Variants in PDHX observed in about 807,000 individuals in gnomAD.
PDHX encodes pyruvate dehydrogenase complex component X.
A neutral mutation model predicts 55.3 loss-of-function variants in PDHX; 33 were observed. That is an observed-to-expected ratio of 0.60 (90% CI 0.45 to 0.80). The LOEUF (loss-of-function observed/expected upper bound fraction) is 0.80, where lower values mean the gene tolerates loss of function less well. Among genes scored for constraint, PDHX ranks in the 30% least tolerant of loss-of-function variants. The pLI is 0.00. For missense variants in PDHX, 622 were observed against 619.9 expected, an observed-to-expected ratio of 1.00 and a Z score of -0.04; for synonymous variants, 226 against 219.4, an observed-to-expected ratio of 1.03 and a Z score of -0.27.
intron 1 of PDHX, among the ~76,000 whole-genome samples, chr11:34,927,183 GCTAGCTTTATAAGAAGGAGCA>G (rs1207645373): frequency 6.6e-6 from 1 of 151,966 alleles, no homozygotes; most frequent in African/African-American, 2.4e-5. Flanking sequence ...GATATAATTT[GCTAGCTTTATAAGAAGGAGCA>G]GAACACTGAA....
intron 8 of PDHX, among the ~76,000 whole-genome samples, chr11:34,982,542 G>A (rs918224750): frequency 7.9e-5 from 12 of 151,828 alleles, no homozygotes; most frequent in African/African-American, 2.9e-4. Context: ...TAATAAAGAA[G>A]AAAAGAGAGA....
chr11:34,942,825 T>C (rs1209720935), intron 2 of PDHX, among the ~76,000 whole-genome samples: 3 of 152,200 alleles, frequency 2.0e-5, no homozygotes, highest in African/African-American at 7.2e-5. Context: ...CCTCTCCTTT[T>C]TTCCTTCTCT....
chr11:34,954,479 G>A (rs1854859420), intron 3 of PDHX, among the ~76,000 whole-genome samples: 1 of 152,176 alleles, frequency 6.6e-6, no homozygotes, highest in African/African-American at 2.4e-5. Flanking sequence ...CTGGGCTTGA[G>A]GGATAGAATT....
intron 3 of PDHX, 52 bp downstream of exon 3, chr11:34,947,658 A>T (rs777936865): frequency 2.6e-5 from 31 of 1,184,550 alleles, no homozygotes; most frequent in Non-Finnish European, 3.8e-5. Flanking sequence ...CTTGAGTGGA[A>T]AGTTCATTGT....
At chr11:34,975,438 CT>C (rs1478295784) in intron 7 of PDHX, among the ~76,000 whole-genome samples, 1 of 151,936 alleles carries the variant, frequency 6.6e-6, no homozygotes, top group Non-Finnish European at 1.5e-5. Context: ...TCTTTTTTCT[CT>C]TTATGTTTCA....
At chr11:34,956,029 C>T (rs1019618097) in intron 3 of PDHX, among the ~76,000 whole-genome samples, 2 of 151,932 alleles carry the variant, frequency 1.3e-5, no homozygotes, top group African/African-American at 2.4e-5. Context: ...AAATATTGGT[C>T]TAATAATAAT....
At chr11:34,919,114 G>A (rs1853812763) in intron 1 of PDHX, among the ~76,000 whole-genome samples, 1 of 152,206 alleles carries the variant, frequency 6.6e-6, no homozygotes, top group African/African-American at 2.4e-5. Flanking sequence ...CATTCTGCAT[G>A]TGAAGCTGTG....
rs753293271 is a variant in PDHX at position 34,984,744 on chromosome 11, G to C, written c.1182+16G>C. ...CTCTGTAAAGGTATGTCTTAAGAAA[G>C]AGTGTGCTTTCAAAATGTTAGCATA... On this transcript the variant is annotated intron_variant, in intron 9 of 10. Coordinates refer to ENST00000227868, the MANE Select transcript of PDHX (RefSeq NM_003477.3). 47 of 1,611,882 alleles carry C rather than the reference G, an allele frequency of 2.9e-5. No individual in the cohort carries two copies. Among genetic ancestry groups the C allele is most frequent in the Non-Finnish European group, 4.0e-5 (47 of 1,178,154 alleles).
At chr11:34,989,018 CAT>C (rs1855706569) in intron 9 of PDHX, among the ~76,000 whole-genome samples, 1 of 152,150 alleles carries the variant, frequency 6.6e-6, no homozygotes, top group East Asian at 1.9e-4. Context: ...CTGAGAAATG[CAT>C]GGTTAGGCGA....
At chr11:34,966,116 C>T (rs1662173340) in intron 5 of PDHX, among the ~76,000 whole-genome samples, 1 of 151,994 alleles carries the variant, frequency 6.6e-6, no homozygotes, top group Non-Finnish European at 1.5e-5. Context: ...GTACTGATGG[C>T]ATATTAGCAA....
Position 34,996,076 on chromosome 11 carries a change from G to T in PDHX, c.*904G>T, listed in dbSNP as rs182283782. On this transcript the variant is annotated 3_prime_UTR_variant, in exon 11 of 11. Coordinates refer to ENST00000227868, the MANE Select transcript of PDHX (RefSeq NM_003477.3). ...GTGAGAAAATATAAACATTTCTATT[G>T]TATTTTAAATGTTAAAACACAAAAG... The T allele has an allele frequency of 1.3e-3, 199 of 152,192 alleles. No homozygotes were observed. The Middle Eastern group carries it at 0.014, about 10-fold the overall frequency. 9.4% of individuals were successfully genotyped at this position (152,192 alleles called of 1,614,324 possible).
chr11:34,955,233 G>GT (rs1050220204), intron 3 of PDHX, among the ~76,000 whole-genome samples: 2 of 152,098 alleles, frequency 1.3e-5, no homozygotes, highest in African/African-American at 4.8e-5. Flanking sequence ...AAAGGGAACA[G>GT]TAACAGAGGC....
chr11:34,926,754 A>G (rs1484324129), intron 1 of PDHX, among the ~76,000 whole-genome samples: 2 of 152,088 alleles, frequency 1.3e-5, no homozygotes, highest in African/African-American at 2.4e-5. Flanking sequence ...TTGCTGAAGT[A>G]TGAGCATTTT....
chr11:34,925,836 T>C (rs1385535801), intron 1 of PDHX, among the ~76,000 whole-genome samples: 1 of 152,242 alleles, frequency 6.6e-6, no homozygotes, highest in Non-Finnish European at 1.5e-5. Context: ...ATGTTCATTG[T>C]AGCATTTGGG....
intron 7 of PDHX, among the ~76,000 whole-genome samples, chr11:34,972,864 A>G (rs919815332): frequency 6.6e-6 from 1 of 152,154 alleles, no homozygotes; most frequent in African/African-American, 2.4e-5. Context: ...TAGAGAACAC[A>G]CTTTATATGA....
intron 7 of PDHX, 193 bp from the exon 8 acceptor site, chr11:34,977,931 A>G: frequency 6.5e-6 from 4 of 612,858 alleles, no homozygotes; most frequent in East Asian, 3.2e-5. Flanking sequence ...CATGGTTAAT[A>G]TTATTGATCC....
intron 8 of PDHX, among the ~76,000 whole-genome samples, chr11:34,981,153 C>A (rs941029930): frequency 9.9e-5 from 15 of 152,050 alleles, no homozygotes; most frequent in Admixed American, 7.9e-4. Flanking sequence ...TCCCCCCTCC[C>A]CCAACCCCAC....
rs113455195 is a variant in PDHX at position 34,943,796 on chromosome 11, C to G, written c.242-3710C>G. On this transcript the variant is annotated intron_variant, in intron 2 of 10. Transcript: ENST00000227868. ...ATCACTGCCTGTTTACAGATTGTCT[C>G]CTCCTCACCTCTTCAGGCTCAGAAT... 2.6e-3 allele frequency among the ~76,000 whole-genome samples: 392 copies of G among 152,234 alleles called. 2 individuals carry two copies. The highest frequency in any genetic ancestry group is 8.9e-3 in the African/African-American group (371 of 41,544).
At chr11:34,967,841 A>G (rs760132813) in intron 6 of PDHX, among the ~76,000 whole-genome samples, 2 of 152,250 alleles carry the variant, frequency 1.3e-5, no homozygotes, top group African/African-American at 2.4e-5. Context: ...TATACTGCAT[A>G]CTTGAATAAC....
Sources: gnomAD v4.1 joint callset for allele counts (sites outside exome capture counted in the v4.1 genomes callset) on GRCh38, gnomAD v4.1.1 for gene constraint, MANE v1.5 for transcripts, NCBI Gene and HGNC (gene_info 2026-07-23, HGNC 2026-07-21) for gene names.